Variants in ARMC9 observed in about 807,000 individuals in gnomAD.
ARMC9 encodes the protein lisH domain-containing protein ARMC9.
Under a neutral mutation model 107.0 loss-of-function variants are expected in ARMC9, and 94 were observed. That is an observed-to-expected ratio of 0.88 (90% CI 0.74 to 1.04). ARMC9 has a LOEUF of 1.04. Among genes scored for constraint, ARMC9 ranks in the 50% least tolerant of loss-of-function variants. The pLI is 0.00. For missense variants in ARMC9, 942 were observed against 1,030.1 expected, an observed-to-expected ratio of 0.91 and a Z score of 1.17; for synonymous variants, 380 against 396.9, an observed-to-expected ratio of 0.96 and a Z score of 0.51.
rs1341987081 is a variant in ARMC9, at chr2:231,328,814, C to CTTTTTTTTTTTTTTTGTTTTTTT, written c.1774-2975_1774-2974insTTTTTTTTTTTGTTTTTTTTTTT. ...AGCGTGTTCAATTTTCTTTTCTTTT[C>CTTTTTTTTTTTTTTTGTTTTTTT]TTTTCTTTTTTTTTTTTTGAGTCGG... On this transcript the variant is annotated intron_variant, in intron 19 of 24. Coordinates refer to ENST00000611582, the MANE Select transcript of ARMC9 (RefSeq NM_001352754.2). Among the ~76,000 whole-genome samples the CTTTTTTTTTTTTTTTGTTTTTTT allele has an allele frequency of 1.6e-5, 2 of 127,342 alleles. 1 individual carries two copies. The highest frequency in any genetic ancestry group is 5.8e-5 in the African/African-American group (2 of 34,766). The allele number at this position is 127,342 out of a possible 152,430, so 83.5% of individuals were successfully genotyped here. A position where few individuals can be genotyped will look rare whatever the true frequency, so the allele number is the denominator to read the frequency against.
chr2:231,264,390 G>T (rs1005985971), intron 12 of ARMC9, among the ~76,000 whole-genome samples: 2 of 151,810 alleles, frequency 1.3e-5, no homozygotes, highest in African/African-American at 2.4e-5. Context: ...TGTTGGCCAG[G>T]CTAGTCTCGA....
chr2:231,216,729 C>T lies in ARMC9; in HGVS notation c.440C>T (p.Pro147Leu), dbSNP rs2033543191. ...AALSQTTEFL[P>L]FYALPFVPNP... ...TTGAGCCAGACCACAGAGTTTCTTC[C>T]TTTCTATGCCCTTCCTTTTGTTCCC... The change falls in exon 5 of 25, where the codon CCT becomes CTT. Residue 147 changes from proline (P) to leucine (L), a missense_variant. Coordinates refer to ENST00000611582, the MANE Select transcript of ARMC9 (RefSeq NM_001352754.2). 7 of 1,614,060 alleles carry T rather than the reference C, an allele frequency of 4.3e-6. No individual in the cohort carries two copies. Among genetic ancestry groups the T allele is most frequent in the Non-Finnish European group, 5.9e-6 (7 of 1,179,918 alleles).
chr2:231,250,445 G>A (rs2037192643), intron 9 of ARMC9, among the ~76,000 whole-genome samples: 1 of 152,166 alleles, frequency 6.6e-6, no homozygotes, highest in African/African-American at 2.4e-5. Flanking sequence ...ACCACTCCCA[G>A]CTGAGAAGCA....
chr2:231,245,210 C>T (rs1196674849), intron 9 of ARMC9, among the ~76,000 whole-genome samples: 1 of 152,328 alleles, frequency 6.6e-6, no homozygotes, highest in East Asian at 1.9e-4. Flanking sequence ...CTTATCAGAG[C>T]CTGTGGCTTG....
intron 6 of ARMC9, among the ~76,000 whole-genome samples, chr2:231,225,540 A>C (rs1009867579): frequency 6.6e-6 from 1 of 152,240 alleles, no homozygotes; most frequent in Non-Finnish European, 1.5e-5. Flanking sequence ...TCATCCAGCC[A>C]TAAAAAGGAA....
intron 1 of ARMC9, among the ~76,000 whole-genome samples, chr2:231,203,930 A>G (rs536656490): frequency 3.0e-4 from 45 of 152,280 alleles, no homozygotes; most frequent in Admixed American, 9.2e-4. Context: ...ATTCTACTCC[A>G]GCCCAAGCAA....
Position 231,360,638 on chromosome 2 carries a change from G to T in ARMC9, c.2132-116G>T, listed in dbSNP as rs898587235. ...CCAAGCCACAGGCGCCAGGGAGCCC[G>T]CAGGGCCTGGCCTGGGGTGCGTGCT... On this transcript the variant is annotated intron_variant, in intron 22 of 24. Transcript: ENST00000611582. The surrounding 1 kb of genome is among the most constrained non-coding windows in gnomAD (Gnocchi z 4.7). 18 of 1,486,256 alleles carry T rather than the reference G, an allele frequency of 1.2e-5. No homozygotes were observed. The highest frequency in any genetic ancestry group is 1.9e-4 in the Middle Eastern group (1 of 5,232). The allele number at this position is 1,486,256 out of a possible 1,614,324, so 92.1% of individuals were successfully genotyped here. A position where few individuals can be genotyped will look rare whatever the true frequency, so the allele number is the denominator to read the frequency against.
intron 19 of ARMC9, among the ~76,000 whole-genome samples, chr2:231,304,021 A>G (rs771008404): frequency 2.0e-5 from 3 of 152,046 alleles, no homozygotes; most frequent in Admixed American, 6.5e-5. Flanking sequence ...CACTGGGTCA[A>G]GAGATCAAGA....
intron 3 of ARMC9, 71 bp from the exon 4 acceptor site, chr2:231,214,754 GTGGTGT>G (rs1184474562): frequency 3.8e-5 from 54 of 1,418,172 alleles, no homozygotes; most frequent in Non-Finnish European, 4.0e-5. Flanking sequence ...TGGGAGATCT[GTGGTGT>G]TGAGTGGGTT....
At chr2:231,235,453 A>G (rs1381133909) in intron 8 of ARMC9, 72 bp downstream of exon 8, 2 of 1,524,588 alleles carry the variant, frequency 1.3e-6, no homozygotes, top group African/African-American at 2.8e-5. Context: ...GACTATGTTG[A>G]TATGGCAGGT....
rs145926655 is a variant in ARMC9, at chr2:231,296,734, A to G, written c.1773+481A>G. ...TTTGACTTGTGTTTCCTCAGCTGTG[A>G]AAAATCTACTTGCCTGGTGTTTTAG... On this transcript the variant is annotated intron_variant, in intron 19 of 24. Coordinates refer to ENST00000611582, the MANE Select transcript of ARMC9 (RefSeq NM_001352754.2). 7.1e-4 allele frequency among the ~76,000 whole-genome samples: 108 copies of G among 152,308 alleles called. 1 individual carries two copies. Among genetic ancestry groups the G allele is most frequent in the Admixed American group, 5.0e-3 (76 of 15,296 alleles).
chr2:231,264,600 C>T (rs1372706284), intron 12 of ARMC9, among the ~76,000 whole-genome samples: 1 of 152,100 alleles, frequency 6.6e-6, no homozygotes, highest in African/African-American at 2.4e-5. Flanking sequence ...TGGGTTCGAG[C>T]GATTCTCTTG....
chr2:231,307,225 G>A (rs998938921), intron 19 of ARMC9, among the ~76,000 whole-genome samples: 1 of 152,248 alleles, frequency 6.6e-6, no homozygotes, highest in Non-Finnish European at 1.5e-5. Context: ...AAGAGGCTGA[G>A]AGAGGGGTAA....
intron 9 of ARMC9, among the ~76,000 whole-genome samples, chr2:231,245,565 C>A (rs1225369989): frequency 6.6e-6 from 1 of 152,234 alleles, no homozygotes; most frequent in Non-Finnish European, 1.5e-5. Flanking sequence ...CCATCCCCTC[C>A]CTTCGCTCAG....
At chr2:231,254,069 G>A (rs1574813778) in intron 9 of ARMC9, among the ~76,000 whole-genome samples, 1 of 152,106 alleles carries the variant, frequency 6.6e-6, no homozygotes, top group Non-Finnish European at 1.5e-5. Context: ...GCTGGCTCTC[G>A]GGGAACAACA....
chr2:231,267,711 GCACT>G (rs1440754256), intron 12 of ARMC9, among the ~76,000 whole-genome samples: 8 of 152,154 alleles, frequency 5.3e-5, no homozygotes, highest in Non-Finnish European at 8.8e-5. Context: ...AACTTCACTA[GCACT>G]GTTTAGGGTT....
chr2:231,222,865 G>T (rs368777249), intron 6 of ARMC9, 45 bp downstream of exon 6: 1 of 1,333,136 alleles, frequency 7.5e-7, no homozygotes. Flanking sequence ...TTTTAGAGCA[G>T]ATTTTATTTA....
At chr2:231,209,943 C>G (rs2032583639) in intron 3 of ARMC9, among the ~76,000 whole-genome samples, 1 of 152,242 alleles carries the variant, frequency 6.6e-6, no homozygotes, top group Non-Finnish European at 1.5e-5. Flanking sequence ...CTCAACCTCC[C>G]AAAGCACTGG....
At chr2:231,257,644 CTTGT>C (rs2037954734) in intron 10 of ARMC9, among the ~76,000 whole-genome samples, 1 of 152,176 alleles carries the variant, frequency 6.6e-6, no homozygotes, top group Admixed American at 6.5e-5. Context: ...CTGGGGATTA[CTTGT>C]TTAATTTCTC....
Sources: allele counts gnomAD v4.1 joint callset (sites outside exome capture counted in the v4.1 genomes callset), GRCh38; gene constraint gnomAD v4.1.1; non-coding constraint Gnocchi (gnomAD v3.1); transcripts MANE v1.5; gene names NCBI Gene and HGNC (gene_info 2026-07-23, HGNC 2026-07-21).